The following RPRD2 variants were observed in gnomAD, a reference collection of about 807,000 sequenced individuals.
RPRD2 encodes the protein regulation of nuclear pre-mRNA domain containing 2, also known as regulation of nuclear pre-mRNA domain-containing protein 2.
A neutral mutation model predicts 104.4 loss-of-function variants in RPRD2; 12 were observed. That is an observed-to-expected ratio of 0.11 (90% CI 0.07 to 0.19). The LOEUF is 0.19. Among genes scored for constraint, RPRD2 ranks in the 10% least tolerant of loss-of-function variants. The pLI, the probability that RPRD2 is intolerant of heterozygous loss-of-function variation, is 1.00. For missense variants in RPRD2, 1,543 were observed against 1,790.1 expected, an observed-to-expected ratio of 0.86 and a Z score of 2.49; for synonymous variants, 714 against 684.9, an observed-to-expected ratio of 1.04 and a Z score of -0.66.
chr1:150,464,411 G>C, intron 9 of RPRD2, 116 bp from the exon 10 acceptor site: 2 of 725,134 alleles, frequency 2.8e-6, no homozygotes, highest in Non-Finnish European at 4.6e-6. Context: ...ACCATTTGTG[G>C]ATCAACCACA....
intron 5 of RPRD2, 21 bp from the exon 6 acceptor site, chr1:150,444,230 A>G (rs587682655): frequency 2.0e-5 from 32 of 1,598,294 alleles, no homozygotes; most frequent in Admixed American, 3.6e-5. Context: ...TAAATGAAAT[A>G]TGACTCTGGT....
intron 1 of RPRD2, among the ~76,000 whole-genome samples, chr1:150,411,752 CT>C (rs1377333108): frequency 8.4e-6 from 1 of 119,010 alleles, no homozygotes; most frequent in African/African-American, 3.7e-5. Flanking sequence ...GATCGCGCCA[CT>C]GCACTCTAGC....
intron 8 of RPRD2, 30 bp from the exon 9 acceptor site, chr1:150,460,030 A>AT: frequency 6.2e-7 from 1 of 1,607,934 alleles, no homozygotes; most frequent in East Asian, 2.2e-5. Context: ...AAGTAGTAGG[A>AT]TGTAATATCT....
chr1:150,401,850 A>G (rs1374215268), intron 1 of RPRD2, among the ~76,000 whole-genome samples: 1 of 150,810 alleles, frequency 6.6e-6, no homozygotes, highest in African/African-American at 2.4e-5. Flanking sequence ...TCACTGTATT[A>G]GCCAGGAAGG....
Position 150,471,071 on chromosome 1 carries a change from T to A in RPRD2, c.2123T>A (p.Phe708Tyr), listed in dbSNP as rs1268604091. Residue 708 changes from phenylalanine (F) to tyrosine (Y), a missense_variant, in exon 11 of 11, where the codon TTC becomes TAC. Physicochemically the swap from Phe to Tyr is conservative, Grantham distance 22. Transcript: ENST00000369068. The surrounding 1 kb of genome is among the most constrained non-coding windows in gnomAD (Gnocchi z 5.3). ...CCATCAGAGAGCCATCCCTCAGACTTCCAGCGTGGCCCTACTAGCACCTCA... is the reference window on the plus strand; with the variant it reads ...CCATCAGAGAGCCATCCCTCAGACTACCAGCGTGGCCCTACTAGCACCTCA... ...SAPSESHPSD[F>Y]QRGPTSTSID... 34 of 1,613,838 alleles carry A rather than the reference T, an allele frequency of 2.1e-5. No individual in the cohort carries two copies. Among genetic ancestry groups the A allele is most frequent in the Non-Finnish European group, 2.6e-5 (31 of 1,179,896 alleles).
chr1:150,398,104 C>T (rs1040719996), intron 1 of RPRD2, among the ~76,000 whole-genome samples: 4 of 151,620 alleles, frequency 2.6e-5, no homozygotes. Context: ...TCTCCTGCCT[C>T]AGCACCCCAC....
chr1:150,469,682 C>G (rs781369642), intron 10 of RPRD2, among the ~76,000 whole-genome samples: 1 of 152,130 alleles, frequency 6.6e-6, no homozygotes, highest in Admixed American at 6.5e-5. Context: ...AAAAAATTTT[C>G]TACAGGAGCA....
chr1:150,407,409 A>G (rs1472097595), intron 1 of RPRD2, among the ~76,000 whole-genome samples: 2 of 152,242 alleles, frequency 1.3e-5, no homozygotes, highest in Non-Finnish European at 2.9e-5. Context: ...AAGAAATAAA[A>G]TTATAACATT....
rs1009470697 is a variant in RPRD2 at position 150,387,705 on chromosome 1, C to T, written c.205+22786C>T. ...CTCCTGGGTTCAAGTGGTTCTCCTG[C>T]ATCAGCCTCCCCAGTAGCTGGGATT... On this transcript the variant is annotated intron_variant, in intron 1 of 10. Transcript: ENST00000369068. Among the ~76,000 whole-genome samples, 7 of 144,942 alleles carry T rather than the reference C, an allele frequency of 4.8e-5. No homozygotes were observed. In the South Asian group the frequency reaches 1.5e-3, roughly 32 times the overall value.
intron 2 of RPRD2, among the ~76,000 whole-genome samples, chr1:150,438,921 G>A (rs587725219): frequency 2.6e-5 from 4 of 151,790 alleles, no homozygotes; most frequent in South Asian, 2.1e-4. Context: ...TGCAACCTTC[G>A]ACTCCTTGGT....
intron 1 of RPRD2, among the ~76,000 whole-genome samples, chr1:150,393,663 A>C (rs1444670549): frequency 6.6e-6 from 1 of 152,086 alleles, no homozygotes. Flanking sequence ...GTGGGATGGC[A>C]TGAAAATTAT....
At chr1:150,413,977 C>T (rs587657604) in intron 1 of RPRD2, among the ~76,000 whole-genome samples, 1 of 152,020 alleles carries the variant, frequency 6.6e-6, no homozygotes, top group East Asian at 1.9e-4. Flanking sequence ...ACTGTAGTCC[C>T]AGCTATTTGG....
At chr1:150,395,463 C>T (rs1160788535) in intron 1 of RPRD2, among the ~76,000 whole-genome samples, 2 of 149,490 alleles carry the variant, frequency 1.3e-5, no homozygotes, top group South Asian at 2.1e-4. Flanking sequence ...GTTGATTTCA[C>T]GTTTTTGCAA....
intron 2 of RPRD2, among the ~76,000 whole-genome samples, chr1:150,418,103 G>A (rs1285198612): frequency 6.6e-6 from 1 of 152,070 alleles, no homozygotes; most frequent in Non-Finnish European, 1.5e-5. Context: ...AAATAGCTGG[G>A]ACTACAGGTG....
chr1:150,441,764 A>G (rs1560205659), intron 3 of RPRD2, 117 bp from the exon 4 acceptor site: 1 of 568,720 alleles, frequency 1.8e-6, no homozygotes, highest in East Asian at 3.1e-5. Flanking sequence ...AAAAGGAAAG[A>G]AAGAAACAAC....
intron 2 of RPRD2, among the ~76,000 whole-genome samples, chr1:150,440,690 C>T (rs1666357545): frequency 6.6e-6 from 1 of 152,126 alleles, no homozygotes; most frequent in African/African-American, 2.4e-5. Context: ...TCATCTGTAG[C>T]TTCATCTATG....
At chr1:150,453,908 G>A (rs941021667) in intron 7 of RPRD2, among the ~76,000 whole-genome samples, 1 of 152,058 alleles carries the variant, frequency 6.6e-6, no homozygotes, top group Non-Finnish European at 1.5e-5. Flanking sequence ...TAACTGACTC[G>A]AGGCTGAATT....
chr1:150,439,939 T>C (rs1328647184), intron 2 of RPRD2, among the ~76,000 whole-genome samples: 4 of 152,038 alleles, frequency 2.6e-5, no homozygotes, highest in African/African-American at 9.7e-5. Flanking sequence ...ACTTTATTGG[T>C]AATTATTTCT....
chr1:150,431,299 AC>A (rs1665551532), intron 2 of RPRD2, among the ~76,000 whole-genome samples: 2 of 152,060 alleles, frequency 1.3e-5, no homozygotes, highest in Admixed American at 1.3e-4. Context: ...CTAGATATAT[AC>A]CCCAAAAGAA....
Sources: allele counts gnomAD v4.1 joint callset (sites outside exome capture counted in the v4.1 genomes callset), GRCh38; gene constraint gnomAD v4.1.1; non-coding constraint Gnocchi (gnomAD v3.1); transcripts MANE v1.5; gene names NCBI Gene and HGNC (gene_info 2026-07-23, HGNC 2026-07-21).